Variants in PPT1 observed in about 807,000 individuals in gnomAD.
The protein encoded by PPT1 is ceroid-palmitoyl-palmitoyl-protein thioesterase 1.
A neutral mutation model predicts 44.0 loss-of-function variants in PPT1; 24 were observed. That is an observed-to-expected ratio of 0.54 (90% CI 0.39 to 0.77). The LOEUF (loss-of-function observed/expected upper bound fraction) is 0.77. Among genes scored for constraint, PPT1 ranks in the 30% least tolerant of loss-of-function variants. PPT1 has a pLI of 0.00. For synonymous variants in PPT1, 148 were observed against 140.2 expected, an observed-to-expected ratio of 1.06 and a Z score of -0.39; for missense variants, 341 against 378.8, an observed-to-expected ratio of 0.90 and a Z score of 0.83.
chr1:40,095,756 G>A (rs1649809846), intron 1 of PPT1, among the ~76,000 whole-genome samples: 1 of 152,096 alleles, frequency 6.6e-6, no homozygotes, highest in Admixed American at 6.5e-5. Context: ...ATCATCTCTT[G>A]TTTAAATTAT....
chr1:40,080,212 A>AAATG (rs1221439085), intron 6 of PPT1, among the ~76,000 whole-genome samples, 185 bp downstream of exon 6: 1 of 152,210 alleles, frequency 6.6e-6, no homozygotes, highest in Admixed American at 6.5e-5. Context: ...GAAGAAAGGC[A>AAATG]AATGAATTTC....
At chr1:40,077,136 T>C (rs1209398906) in intron 7 of PPT1, among the ~76,000 whole-genome samples, 1 of 152,244 alleles carries the variant, frequency 6.6e-6, no homozygotes, top group Non-Finnish European at 1.5e-5. Context: ...TTCCCCAGAA[T>C]TTCTGCTTCC....
chr1:40,091,189 T>C, intron 4 of PPT1, 140 bp downstream of exon 4: 1 of 871,696 alleles, frequency 1.1e-6, no homozygotes, highest in Admixed American at 2.0e-5. Context: ...CAATGCTGGC[T>C]AGTTTGTTAA....
At position 40,073,819 on chromosome 1, in the gene PPT1, A is replaced by T. The variant is rs1393414424; in HGVS notation, c.*242T>A. On this transcript the variant is annotated 3_prime_UTR_variant, in exon 9 of 9. Coordinates refer to ENST00000642050, the MANE Select transcript of PPT1 (RefSeq NM_000310.4). ...CCCTTTTCTAAAACTGAACTTGACC[A>T]CATCAAAAGTTTGTAAAACAATCTC... is the stretch of plus-strand genomic sequence containing the variant. The T allele has an allele frequency of 1.4e-5, 8 of 562,220 alleles. No homozygotes were observed. Among genetic ancestry groups the T allele is most frequent in the Non-Finnish European group, 2.2e-5 (7 of 318,512 alleles). 34.8% of individuals were successfully genotyped at this position (562,220 alleles called of 1,614,324 possible).
Position 40,081,854 on chromosome 1 carries a change from C to T in PPT1, c.537-1367G>A, listed in dbSNP as rs560473629. Among the ~76,000 whole-genome samples, 379 of 152,226 alleles carry T rather than the reference C, an allele frequency of 2.5e-3. 4 individuals are homozygous for T. In the Middle Eastern group the frequency reaches 0.037, roughly 15 times the overall value. On this transcript the variant is annotated intron_variant, in intron 5 of 8. Transcript: ENST00000642050. ...ACTGGGTAACAGGCAGAGGCTGGCA[C>T]AGTTTGGAGGCCTCAGAAGAAGACA... is the stretch of plus-strand genomic sequence containing the variant.
Position 40,091,347 on chromosome 1 carries a change from C to T in PPT1, c.415G>A (p.Val139Ile), listed in dbSNP as rs752233032. 6.2e-7 allele frequency: 1 copy of T among 1,614,032 alleles called. No homozygotes were observed. The highest frequency in any genetic ancestry group is 1.7e-5 in the Admixed American group (1 of 60,004). Residue 139 changes from valine (V) to isoleucine (I), a missense_variant, in exon 4 of 9, where the codon GTT (valine) becomes ATT (isoleucine). Transcript: ENST00000642050. ...PSPPMINLIS[V>I]GGQHQGVFGL... ...AAGTTACCTTGATGTTGTCCCCCAA[C>T]CGAGATCAGATTGATCATGGGAGGT...
chr1:40,074,387 TTTC>T (rs1474531948), intron 8 of PPT1, among the ~76,000 whole-genome samples: 14 of 151,678 alleles, frequency 9.2e-5, no homozygotes, highest in Non-Finnish European at 1.3e-4. Flanking sequence ...TCTTTCTTCC[TTTC>T]TTTTCTTTCT....
chr1:40,078,822 T>A, intron 6 of PPT1, 164 bp from the exon 7 acceptor site: 2 of 650,360 alleles, frequency 3.1e-6, no homozygotes, highest in Non-Finnish European at 5.7e-6. Flanking sequence ...CTGTACAGCT[T>A]TTTTTTTTCT....
At chr1:40,086,201 C>G (rs913699243) in intron 5 of PPT1, among the ~76,000 whole-genome samples, 2 of 152,150 alleles carry the variant, frequency 1.3e-5, no homozygotes, top group African/African-American at 4.8e-5. Context: ...CTGAAGCATT[C>G]ATTGTGGCAG....
chr1:40,088,143 C>CT (rs869306144), intron 5 of PPT1, among the ~76,000 whole-genome samples: 2,325 of 139,682 alleles, frequency 0.017, 31 homozygotes, highest in East Asian at 0.06. Flanking sequence ...ACCATCAAAA[C>CT]TTTTTTTTTT....
intron 5 of PPT1, among the ~76,000 whole-genome samples, chr1:40,081,827 G>C (rs1168870898): frequency 2.0e-5 from 3 of 151,964 alleles, no homozygotes; most frequent in Non-Finnish European, 4.4e-5. Flanking sequence ...AGTGACTTTG[G>C]AACTGGGTAA....
intron 5 of PPT1, among the ~76,000 whole-genome samples, chr1:40,086,723 C>T (rs1178197169): frequency 1.3e-5 from 2 of 151,936 alleles, no homozygotes; most frequent in Non-Finnish European, 2.9e-5. Flanking sequence ...GGAAGCCGTG[C>T]GAGGCCACCT....
At chr1:40,083,984 G>T (rs1182766007) in intron 5 of PPT1, among the ~76,000 whole-genome samples, 1 of 152,122 alleles carries the variant, frequency 6.6e-6, no homozygotes, top group African/African-American at 2.4e-5. Flanking sequence ...GGAGGTTGAG[G>T]CTATGTTGCA....
At chr1:40,079,001 C>A (rs906555418) in intron 6 of PPT1, among the ~76,000 whole-genome samples, 1 of 152,098 alleles carries the variant, frequency 6.6e-6, no homozygotes, top group African/African-American at 2.4e-5. Context: ...CCTCTCCCTC[C>A]CAGCTTTTGG....
Position 40,085,785 on chromosome 1 carries a change from C to T in PPT1, c.536+3625G>A, listed in dbSNP as rs969391903. 6.6e-5 allele frequency among the ~76,000 whole-genome samples: 10 copies of T among 152,158 alleles called. No individual in the cohort carries two copies. In the East Asian group the frequency reaches 9.6e-4, roughly 15 times the overall value. Reference sequence around the variant, plus strand: ...ATAGTGTAAACATAGCTTTTATATGCGCTGGGAAACCAACAACTTTGTGTG... The same window carrying T: ...ATAGTGTAAACATAGCTTTTATATGTGCTGGGAAACCAACAACTTTGTGTG... On this transcript the variant is annotated intron_variant, in intron 5 of 8. Coordinates refer to ENST00000642050, the MANE Select transcript of PPT1 (RefSeq NM_000310.4).
rs561112232 is a variant in PPT1 at position 40,097,137 on chromosome 1, C to T, written c.102G>A (p.Pro34=). Residue 34 remains proline, a synonymous_variant, in exon 1 of 9, where the codon CCG becomes CCA. Transcript: ENST00000642050. ...CACCCATCCCATGCCAGATCACCAACGGCAGCGGCGCCGGCGGGTCCAGAT... is the reference window on the plus strand; with the variant it reads ...CACCCATCCCATGCCAGATCACCAATGGCAGCGGCGCCGGCGGGTCCAGAT... ...LQHLDPPAPL[P]LVIWHGMGDS... is the part of the protein sequence containing the mutation. 1.2e-6 allele frequency: 2 copies of T among 1,614,144 alleles called. No individual in the cohort carries two copies. The highest frequency in any genetic ancestry group is 1.3e-5 in the African/African-American group (1 of 75,070).
chr1:40,071,764 C>T (rs1570443118), downstream of PPT1: 1 of 554,490 alleles, frequency 1.8e-6, no homozygotes, highest in African/African-American at 1.9e-5. Flanking sequence ...TCAGCTCAAC[C>T]ACGCCGCCAG....
chr1:40,080,515 T>A, intron 5 of PPT1, 28 bp from the exon 6 acceptor site: 1 of 1,594,494 alleles, frequency 6.3e-7, no homozygotes, highest in Non-Finnish European at 8.6e-7. Flanking sequence ...AATGAGGTGA[T>A]CAAGCTACAG....
intron 5 of PPT1, 116 bp from the exon 6 acceptor site, chr1:40,080,603 C>T (rs1648881714): frequency 2.1e-6 from 2 of 931,542 alleles, no homozygotes; most frequent in Admixed American, 3.6e-5. Context: ...CAGCCAGGCA[C>T]AGTGGCTCAC....
Sources: gnomAD v4.1 joint callset for allele counts (sites outside exome capture counted in the v4.1 genomes callset) on GRCh38, gnomAD v4.1.1 for gene constraint, MANE v1.5 for transcripts, NCBI Gene and HGNC (gene_info 2026-07-23, HGNC 2026-07-21) for gene names.